SNX29: variants seen among roughly 807,000 people sequenced by gnomAD.
The protein encoded by SNX29 is sorting nexin 29.
Under a neutral mutation model 102.1 loss-of-function variants are expected in SNX29, and 78 were observed. The observed-to-expected ratio is 0.76, with a 90% CI of 0.64 to 0.92. SNX29 has a LOEUF of 0.92. SNX29 is among the 40% of genes least tolerant of loss of function. SNX29 has a pLI of 0.00. For missense variants in SNX29, 1,280 were observed against 1,061.7 expected, an observed-to-expected ratio of 1.21 and a Z score of -2.86; for synonymous variants, 580 against 414.5, an observed-to-expected ratio of 1.40 and a Z score of -4.85.
intron 16 of SNX29, among the ~76,000 whole-genome samples, chr16:12,364,978 G>A (rs998335299): frequency 6.6e-6 from 1 of 151,844 alleles, no homozygotes; most frequent in African/African-American, 2.4e-5. Context: ...TTTTTTCCTT[G>A]CACCCTCTAG....
At chr16:12,406,039 A>G (rs1162115784) in intron 18 of SNX29, among the ~76,000 whole-genome samples, 2 of 151,610 alleles carry the variant, frequency 1.3e-5, no homozygotes, top group East Asian at 3.9e-4. Context: ...CCTCAAAAAA[A>G]GAAAACAAGT....
chr16:12,272,444 G>T (rs2079118555), intron 14 of SNX29, among the ~76,000 whole-genome samples: 1 of 152,232 alleles, frequency 6.6e-6, no homozygotes, highest in Admixed American at 6.5e-5. Context: ...ATTAGCACCA[G>T]GCTCTGCTGA....
chr16:12,208,141 C>T (rs2077092164), intron 14 of SNX29, among the ~76,000 whole-genome samples: 1 of 152,170 alleles, frequency 6.6e-6, no homozygotes, highest in Non-Finnish European at 1.5e-5. Context: ...TCCTTTCTGC[C>T]CGAAGTGACC....
chr16:12,178,068 A>C (rs529698733), intron 13 of SNX29, among the ~76,000 whole-genome samples: 1 of 152,142 alleles, frequency 6.6e-6, no homozygotes, highest in African/African-American at 2.4e-5. Flanking sequence ...TAAATGCTCT[A>C]TGTCATCTTA....
intron 13 of SNX29, among the ~76,000 whole-genome samples, chr16:12,182,286 T>A (rs772873985): frequency 2.6e-5 from 4 of 151,836 alleles, no homozygotes; most frequent in Non-Finnish European, 4.4e-5. Context: ...TAAACGGGCA[T>A]TTAAAATAAT....
chr16:12,383,722 C>G (rs2083254399), intron 16 of SNX29, among the ~76,000 whole-genome samples: 1 of 150,946 alleles, frequency 6.6e-6, no homozygotes, highest in Non-Finnish European at 1.5e-5. Context: ...AGGCGTGAGC[C>G]AGCACGCCCA....
At chr16:12,127,270 AT>A (rs900518798) in intron 12 of SNX29, among the ~76,000 whole-genome samples, 6 of 151,772 alleles carry the variant, frequency 4.0e-5, no homozygotes, top group Non-Finnish European at 8.8e-5. Flanking sequence ...AAAAAAAAAA[AT>A]AAAATAAAAT....
At chr16:12,395,333 A>G (rs1325597102) in intron 16 of SNX29, among the ~76,000 whole-genome samples, 3 of 152,168 alleles carry the variant, frequency 2.0e-5, no homozygotes, top group African/African-American at 4.8e-5. Flanking sequence ...ATCTGCCCCA[A>G]ACAACCCAGG....
intron 15 of SNX29, among the ~76,000 whole-genome samples, chr16:12,327,735 CAGAG>C (rs3971212): frequency 1.3e-5 from 2 of 151,874 alleles, no homozygotes; most frequent in African/African-American, 2.4e-5. Flanking sequence ...CGGAGAGAGA[CAGAG>C]AGAGGAAACC....
chr16:12,014,336 T>C (rs1273883359), intron 3 of SNX29, among the ~76,000 whole-genome samples: 1 of 152,146 alleles, frequency 6.6e-6, no homozygotes, highest in Non-Finnish European at 1.5e-5. Context: ...ATTTTGTCAT[T>C]CCTCATCCGC....
chr16:12,539,297 C>T (rs746946959), intron 20 of SNX29, among the ~76,000 whole-genome samples: 7 of 152,026 alleles, frequency 4.6e-5, no homozygotes, highest in African/African-American at 7.2e-5. Flanking sequence ...CACCTCTAAG[C>T]CCTTGTCCCT....
chr16:12,313,316 G>C (rs1376512430), intron 15 of SNX29, among the ~76,000 whole-genome samples: 1 of 152,110 alleles, frequency 6.6e-6, no homozygotes, highest in Non-Finnish European at 1.5e-5. Context: ...GCCTGGCCTG[G>C]GTTTTTTTAA....
intron 14 of SNX29, among the ~76,000 whole-genome samples, chr16:12,218,761 G>C (rs906674083): frequency 3.3e-5 from 5 of 152,040 alleles, no homozygotes; most frequent in Non-Finnish European, 7.4e-5. Context: ...GTTGTTTCCA[G>C]GTTTTTATTT....
rs537523992 is a variant in SNX29, at chr16:12,570,572, C to G, written c.*1943C>G. 2 of 232,130 alleles carry G rather than the reference C, an allele frequency of 8.6e-6. No homozygotes were observed. Among genetic ancestry groups the G allele is most frequent in the South Asian group, 3.6e-4 (2 of 5,508 alleles). 14.4% of individuals were successfully genotyped at this position (232,130 alleles called of 1,614,324 possible). A position where few individuals can be genotyped will look rare whatever the true frequency, so the allele number is the denominator to read the frequency against. ...CAGCTCAGAGACTGTCTCAGGAGTG[C>G]CTCCCTGGCCTGGGTAGCTACCCTG... On this transcript the variant is annotated 3_prime_UTR_variant, in exon 21 of 21. Coordinates refer to ENST00000566228, the MANE Select transcript of SNX29 (RefSeq NM_032167.5).
intron 15 of SNX29, among the ~76,000 whole-genome samples, chr16:12,298,968 C>T (rs1161026031): frequency 6.6e-6 from 1 of 151,024 alleles, no homozygotes; most frequent in African/African-American, 2.5e-5. Flanking sequence ...GGTTCCTTTC[C>T]CTCCTCCAGA....
intron 20 of SNX29, among the ~76,000 whole-genome samples, chr16:12,556,141 TG>T (rs1370938072): frequency 6.6e-6 from 1 of 152,176 alleles, no homozygotes; most frequent in Non-Finnish European, 1.5e-5. Flanking sequence ...AAGTGATGGT[TG>T]GAGTGGTTAA....
intron 18 of SNX29, among the ~76,000 whole-genome samples, chr16:12,476,342 G>A (rs1303198424): frequency 7.8e-5 from 4 of 51,434 alleles, no homozygotes; most frequent in Non-Finnish European, 1.1e-4. Context: ...AGGACACAGC[G>A]ACATTTCTCA....
chr16:12,330,426 C>T (rs978335396), intron 15 of SNX29, among the ~76,000 whole-genome samples: 2 of 152,158 alleles, frequency 1.3e-5, no homozygotes, highest in Non-Finnish European at 2.9e-5. Context: ...GAGATCACAC[C>T]ACGGCACTCC....
intron 15 of SNX29, among the ~76,000 whole-genome samples, chr16:12,286,741 G>A (rs1239623690): frequency 6.6e-6 from 1 of 152,140 alleles, no homozygotes; most frequent in Non-Finnish European, 1.5e-5. Context: ...CCTGGCTGTA[G>A]CTGTTAGTAC....
Sources: gnomAD v4.1 joint callset for allele counts (sites outside exome capture counted in the v4.1 genomes callset) on GRCh38, gnomAD v4.1.1 for gene constraint, MANE v1.5 for transcripts, NCBI Gene and HGNC (gene_info 2026-07-23, HGNC 2026-07-21) for gene names.